Variants in UBA2 observed in about 807,000 individuals in gnomAD.
UBA2 encodes ubiquitin like modifier activating enzyme 2, also known as SUMO-activating enzyme subunit 2.
In UBA2, 11 loss-of-function variants were observed where a neutral mutation model predicts 77.2. The observed-to-expected ratio is 0.14, with a 90% CI of 0.09 to 0.24. The LOEUF (loss-of-function observed/expected upper bound fraction) is 0.24, where lower values mean the gene tolerates loss of function less well. Ranked by LOEUF, UBA2 falls within the 10% of genes least tolerant of loss-of-function variation. UBA2 has a pLI of 1.00. For synonymous variants in UBA2, 278 were observed against 276.7 expected, an observed-to-expected ratio of 1.00 and a Z score of -0.05; for missense variants, 487 against 781.7, an observed-to-expected ratio of 0.62 and a Z score of 4.50.
intron 1 of UBA2, 125 bp from the exon 2 acceptor site, chr19:34,430,451 C>CCT (rs2075239909): frequency 1.8e-6 from 1 of 555,800 alleles, no homozygotes; most frequent in African/African-American, 1.9e-5. Context: ...TATGGCGATT[C>CCT]GAAAAACGCT....
intron 12 of UBA2, among the ~76,000 whole-genome samples, chr19:34,456,918 C>T (rs1404708255): frequency 2.0e-5 from 3 of 151,758 alleles, no homozygotes; most frequent in East Asian, 3.9e-4. Flanking sequence ...GCTGTAGTAT[C>T]CCTTTGAGCT....
At chr19:34,441,538 GGGTATT>G (rs1379301567) in intron 6 of UBA2, among the ~76,000 whole-genome samples, 5 of 152,092 alleles carry the variant, frequency 3.3e-5, no homozygotes, top group African/African-American at 1.2e-4. Context: ...ACCCGATAAA[GGGTATT>G]TTGTAGAAAC....
chr19:34,448,936 C>T (rs1025921536), intron 8 of UBA2, among the ~76,000 whole-genome samples: 12 of 152,100 alleles, frequency 7.9e-5, no homozygotes, highest in African/African-American at 2.9e-4. Flanking sequence ...CTTCAAGATC[C>T]TCTACAAAAT....
At chr19:34,453,131 A>C (rs1337730303) in intron 10 of UBA2, among the ~76,000 whole-genome samples, 3 of 152,180 alleles carry the variant, frequency 2.0e-5, no homozygotes, top group Non-Finnish European at 4.4e-5. Context: ...CTTAGTCCTC[A>C]CCACACCTTA....
intron 12 of UBA2, among the ~76,000 whole-genome samples, chr19:34,457,179 A>AAAATATATATATATATATATATATAT (rs1262007864): frequency 9.4e-5 from 5 of 53,224 alleles, no homozygotes; most frequent in African/African-American, 2.3e-4. Flanking sequence ...AAAAAAAAAA[A>AAAATATATATATATATATATATATAT]ATATATATAT....
chr19:34,469,381 A>G lies in UBA2; in HGVS notation c.*160A>G, dbSNP rs777842929. ...TCATTTTGCTAGAACTGTTAGACAC[A>G]TTGCAGTATGCTGTATTGAAAGTAG... On this transcript the variant is annotated 3_prime_UTR_variant, in exon 17 of 17. Transcript: ENST00000246548. 1.4e-4 allele frequency: 75 copies of G among 538,632 alleles called. No individual in the cohort carries two copies. Among genetic ancestry groups the G allele is most frequent in the Non-Finnish European group, 2.0e-4 (68 of 333,308 alleles). The allele number at this position is 538,632 out of a possible 1,614,324, so 33.4% of individuals were successfully genotyped here.
chr19:34,457,179 A>AAAAAAAATATATATATAT (rs1262007864), intron 12 of UBA2, among the ~76,000 whole-genome samples: 1 of 53,222 alleles, frequency 1.9e-5, no homozygotes, highest in Non-Finnish European at 3.0e-5. Context: ...AAAAAAAAAA[A>AAAAAAAATATATATATAT]ATATATATAT....
chr19:34,429,170 C>G, intron 1 of UBA2: 2 of 985,158 alleles, frequency 2.0e-6, no homozygotes, highest in South Asian at 4.7e-5. Context: ...GGTCACGGAG[C>G]GAGTGGCAGG....
intron 10 of UBA2, 90 bp from the exon 11 acceptor site, chr19:34,454,170 T>TAC: frequency 8.5e-7 from 1 of 1,173,824 alleles, no homozygotes; most frequent in Non-Finnish European, 1.2e-6. Flanking sequence ...TCTATAGTAT[T>TAC]ATAAACACGT....
chr19:34,455,289 A>G (rs750143119), intron 12 of UBA2, among the ~76,000 whole-genome samples: 3 of 152,184 alleles, frequency 2.0e-5, no homozygotes, highest in Non-Finnish European at 4.4e-5. Flanking sequence ...ACCAAGTTTA[A>G]GATCATTTTT....
At chr19:34,436,767 C>G (rs560828912) in intron 5 of UBA2, among the ~76,000 whole-genome samples, 205 of 152,100 alleles carry the variant, frequency 1.3e-3, no homozygotes, top group Non-Finnish European at 2.6e-3. Context: ...CTGGTTGCGT[C>G]TAATTTTTTT....
At chr19:34,448,607 A>G (rs2075457271) in intron 8 of UBA2, among the ~76,000 whole-genome samples, 1 of 152,142 alleles carries the variant, frequency 6.6e-6, no homozygotes, top group East Asian at 1.9e-4. Context: ...TCTCCGATAT[A>G]AGTGAGCTGG....
intron 6 of UBA2, among the ~76,000 whole-genome samples, chr19:34,441,497 A>G (rs1167440732): frequency 6.6e-6 from 1 of 152,054 alleles, no homozygotes; most frequent in Non-Finnish European, 1.5e-5. Context: ...TAAAAATAAA[A>G]AAACTTCTTA....
intron 9 of UBA2, 26 bp from the exon 10 acceptor site, chr19:34,451,955 T>A: frequency 7.1e-7 from 1 of 1,401,164 alleles, no homozygotes; most frequent in Non-Finnish European, 9.7e-7. Flanking sequence ...TAGTGAAATT[T>A]CTAATATATA....
At chr19:34,459,036 G>C (rs1401462391) in intron 13 of UBA2, 112 bp downstream of exon 13, 1 of 1,172,334 alleles carries the variant, frequency 8.5e-7, no homozygotes, top group African/African-American at 1.6e-5. Context: ...ATGTGTGGCT[G>C]TGATTTCCTG....
chr19:34,452,085 A>G lies in UBA2; in HGVS notation c.976A>G (p.Ile326Val). The part of the protein sequence containing the change: ...KSYARLFSKS[I>V]ETLRVHLAEK... ...CTATGCACGTCTTTTTTCAAAGAGC[A>G]TCGAGACTTTGAGAGTTCATTTAGC... Residue 326 changes from isoleucine (I) to valine (V), a missense_variant, in exon 10 of 17, where the codon ATC becomes GTC. By Grantham distance (29) the Ile-to-Val change is conservative. Around this residue, in one of 9 missense-constraint regions of UBA2, gnomAD observed 300 missense variants for 454.3 expected, o/e 0.66. Transcript: ENST00000246548. 6.2e-7 allele frequency: 1 copy of G among 1,610,712 alleles called. No individual in the cohort carries two copies. The highest frequency in any genetic ancestry group is 8.5e-7 in the Non-Finnish European group (1 of 1,177,542).
intron 6 of UBA2, among the ~76,000 whole-genome samples, chr19:34,440,184 C>T (rs1006249424): frequency 1.3e-4 from 19 of 151,312 alleles, no homozygotes; most frequent in Admixed American, 3.3e-4. Flanking sequence ...ATTAACCAGG[C>T]GTGGTGGTGG....
chr19:34,454,592 C>T (rs2075537709), intron 12 of UBA2, 36 bp downstream of exon 12: 1 of 1,059,670 alleles, frequency 9.4e-7, no homozygotes. Context: ...TGCAACCCCC[C>T]TTAAAAAAAT....
At position 34,469,254 on chromosome 19, in the gene UBA2, A is replaced by G. The variant is rs1450943129; in HGVS notation, c.*33A>G. ...TGCCTCTAAACAGAACCCTCTTACT[A>G]TTTAGTTTATCTGGGCAGAACCAGA... On this transcript the variant is annotated 3_prime_UTR_variant, in exon 17 of 17. Coordinates refer to ENST00000246548, the MANE Select transcript of UBA2 (RefSeq NM_005499.3). 28 of 1,506,314 alleles carry G rather than the reference A, an allele frequency of 1.9e-5. No individual in the cohort carries two copies. Among genetic ancestry groups the G allele is most frequent in the Non-Finnish European group, 2.4e-5 (27 of 1,132,832 alleles). 93.3% of individuals were successfully genotyped at this position (1,506,314 alleles called of 1,614,324 possible). A position where few individuals can be genotyped will look rare whatever the true frequency, so the allele number is the denominator to read the frequency against.
Sources: gnomAD v4.1 joint callset for allele counts (sites outside exome capture counted in the v4.1 genomes callset) on GRCh38, gnomAD v4.1.1 for gene constraint, gnomAD v4.1.1 regional missense constraint, MANE v1.5 for transcripts, NCBI Gene and HGNC (gene_info 2026-07-23, HGNC 2026-07-21) for gene names.